Variants in OLFML1 observed in about 807,000 individuals in gnomAD.
The protein encoded by OLFML1 is olfactomedin-like protein 1.
Under a neutral mutation model 37.3 loss-of-function variants are expected in OLFML1, and 33 were observed. The observed-to-expected ratio is 0.88, with a 90% CI of 0.67 to 1.18. OLFML1 has a LOEUF of 1.18. Ranked by LOEUF, OLFML1 falls within the 50% of genes most tolerant of loss-of-function variation. The probability of loss-of-function intolerance (pLI) is 0.00; values close to 1 mark genes in which losing one functional copy is unlikely to be tolerated. For synonymous variants in OLFML1, 186 were observed against 181.3 expected, an observed-to-expected ratio of 1.03 and a Z score of -0.21; for missense variants, 545 against 483.7, an observed-to-expected ratio of 1.13 and a Z score of -1.19.
chr11:7,508,706 C>T (rs950582576), intron 2 of OLFML1, among the ~76,000 whole-genome samples: 3 of 152,212 alleles, frequency 2.0e-5, no homozygotes, highest in Non-Finnish European at 4.4e-5. Context: ...ATAAATAGAG[C>T]TCTTATAACG....
At chr11:7,499,043 T>C (rs188733846) in intron 2 of OLFML1, among the ~76,000 whole-genome samples, 3 of 152,326 alleles carry the variant, frequency 2.0e-5, no homozygotes, top group African/African-American at 7.2e-5. Context: ...GTGACTCCCA[T>C]ACAAAGGAAT....
Position 7,485,710 on chromosome 11 carries a change from G to A in OLFML1, c.-166G>A, listed in dbSNP as rs1046282131. 1.4e-5 allele frequency: 10 copies of A among 705,252 alleles called. No individual in the cohort carries two copies. Among genetic ancestry groups the A allele is most frequent in the African/African-American group, 5.3e-5 (3 of 56,324 alleles). 43.7% of individuals were successfully genotyped at this position (705,252 alleles called of 1,614,324 possible). The stretch of plus-strand genomic sequence containing the variant: ...TCACTAGCTGGCAAACTGAGCTCAC[G>A]TATCGGGTGGAATAACAAGCGGACT... On this transcript the variant is annotated 5_prime_UTR_variant, in exon 1 of 3. Transcript: ENST00000329293.
intron 2 of OLFML1, among the ~76,000 whole-genome samples, chr11:7,501,579 T>G (rs1848725995): frequency 6.6e-6 from 1 of 152,210 alleles, no homozygotes; most frequent in African/African-American, 2.4e-5. Context: ...AGTGATGTCA[T>G]GACCACTGAA....
At chr11:7,506,829 G>T (rs1470395575) in intron 2 of OLFML1, among the ~76,000 whole-genome samples, 1 of 152,140 alleles carries the variant, frequency 6.6e-6, no homozygotes, top group African/African-American at 2.4e-5. Context: ...GATGAAGAGA[G>T]GGCTGATGAC....
Position 7,488,237 on chromosome 11 carries a change from G to A in OLFML1, c.240G>A (p.Glu80=). The change falls in exon 2 of 3, where the codon GAG becomes GAA. Residue 80 remains glutamate (E), a synonymous_variant. Coordinates refer to ENST00000329293, the MANE Select transcript of OLFML1 (RefSeq NM_198474.4). ...GAAGATGTCAGACCTACACAAGTGA[G>A]TACAAGAGTGCAGTGGGTAACTTGG... ...MLGRCQTYTS[E]YKSAVGNLAL... 1 of 1,614,046 alleles carries A rather than the reference G, an allele frequency of 6.2e-7. No homozygotes were observed. The highest frequency in any genetic ancestry group is 8.5e-7 in the Non-Finnish European group (1 of 1,179,978).
At chr11:7,507,117 C>T (rs1848794914) in intron 2 of OLFML1, among the ~76,000 whole-genome samples, 1 of 152,114 alleles carries the variant, frequency 6.6e-6, no homozygotes, top group Non-Finnish European at 1.5e-5. Context: ...CAGCACGAGA[C>T]ACAAAGCATG....
intron 2 of OLFML1, among the ~76,000 whole-genome samples, chr11:7,500,006 C>G (rs1848702354): frequency 1.3e-5 from 2 of 152,174 alleles, no homozygotes; most frequent in Admixed American, 1.3e-4. Flanking sequence ...TCCTCCCAAC[C>G]TCAGCCTCCC....
Position 7,510,478 on chromosome 11 carries a change from T to C in OLFML1, c.*290T>C. ...TACAGCCTACTTCAAGCCTTTTGTT[T>C]TACTGCTCCCCAGCATTTACTGTAA... On this transcript the variant is annotated 3_prime_UTR_variant, in exon 3 of 3. Transcript: ENST00000329293. The C allele has an allele frequency of 3.3e-6, 1 of 303,342 alleles. No individual in the cohort carries two copies. Among genetic ancestry groups the C allele is most frequent in the South Asian group, 6.8e-5 (1 of 14,696 alleles). 18.8% of individuals were successfully genotyped at this position (303,342 alleles called of 1,614,324 possible).
At position 7,510,185 on chromosome 11, in the gene OLFML1, G is replaced by A. The variant is rs764267991; in HGVS notation, c.1206G>A (p.Lys402=). Residue 402 remains lysine, a synonymous_variant, in exon 3 of 3, where the codon AAG becomes AAA. Transcript: ENST00000329293. ...KLQTKRKLPL[K] is the part of the protein sequence containing the mutation. Reference sequence around the variant, plus strand: ...AGACAAAGAGAAAGCTGCCTCTGAAGTAATGCATTACAGCTGTGAGAAAGA... The same window carrying A: ...AGACAAAGAGAAAGCTGCCTCTGAAATAATGCATTACAGCTGTGAGAAAGA... 7.5e-6 allele frequency: 12 copies of A among 1,602,696 alleles called. No homozygotes were observed. The East Asian group carries it at 2.2e-4, about 30-fold the overall frequency.
intron 2 of OLFML1, among the ~76,000 whole-genome samples, chr11:7,495,664 A>G (rs1458928017): frequency 6.6e-6 from 1 of 152,202 alleles, no homozygotes; most frequent in Non-Finnish European, 1.5e-5. Context: ...GGAACAGAGT[A>G]GAGAATCAAT....
Position 7,488,210 on chromosome 11 carries a change from G to A in OLFML1, c.213G>A (p.Leu71=). 1.2e-6 allele frequency: 2 copies of A among 1,613,428 alleles called. No individual in the cohort carries two copies. The highest frequency in any genetic ancestry group is 1.7e-6 in the Non-Finnish European group (2 of 1,179,458). ...TCTCAAAAAATATATCTGTCATGCT[G>A]GGAAGATGTCAGACCTACACAAGTG... The part of the protein sequence containing the change: ...QEFSKNISVM[L]GRCQTYTSEY... Residue 71 remains leucine (L), a synonymous_variant, in exon 2 of 3, where the codon CTG becomes CTA. Coordinates refer to ENST00000329293, the MANE Select transcript of OLFML1 (RefSeq NM_198474.4).
chr11:7,488,529 T>C, intron 2 of OLFML1, 114 bp downstream of exon 2: 1 of 788,826 alleles, frequency 1.3e-6, no homozygotes, highest in East Asian at 2.7e-5. Context: ...ATTGGAGGTG[T>C]GCTTTTGTGT....
intron 2 of OLFML1, among the ~76,000 whole-genome samples, chr11:7,502,063 T>C (rs1471941318): frequency 2.6e-5 from 4 of 152,242 alleles, no homozygotes; most frequent in African/African-American, 4.8e-5. Flanking sequence ...CATATTTACA[T>C]AGTGTGGTCA....
Position 7,509,744 on chromosome 11 carries a change from G to A in OLFML1, c.765G>A (p.Gly255=). 1 of 1,614,240 alleles carries A rather than the reference G, an allele frequency of 6.2e-7. No individual in the cohort carries two copies. Among genetic ancestry groups the A allele is most frequent in the Non-Finnish European group, 8.5e-7 (1 of 1,180,042 alleles). ...AAGATCGAATGCTGCTCCCAGGAGG[G>A]GTAGGCCGAGCATTGGTTTACCAGC... ...TVEDRMLLPG[G]VGRALVYQHS... Residue 255 remains glycine, a synonymous_variant, in exon 3 of 3, where the codon GGG becomes GGA. Transcript: ENST00000329293.
At chr11:7,499,012 C>G (rs538947001) in intron 2 of OLFML1, among the ~76,000 whole-genome samples, 2 of 152,178 alleles carry the variant, frequency 1.3e-5, no homozygotes, top group Non-Finnish European at 2.9e-5. Context: ...ACCAATGTTT[C>G]GGATCCTTAA....
At chr11:7,508,131 A>C (rs1162789441) in intron 2 of OLFML1, among the ~76,000 whole-genome samples, 1 of 152,236 alleles carries the variant, frequency 6.6e-6, no homozygotes, top group Non-Finnish European at 1.5e-5. Flanking sequence ...ATTAAGTGGA[A>C]GTGGATCATC....
At chr11:7,501,170 G>C (rs1406725074) in intron 2 of OLFML1, among the ~76,000 whole-genome samples, 1 of 152,184 alleles carries the variant, frequency 6.6e-6, no homozygotes, top group East Asian at 1.9e-4. Flanking sequence ...CAAGAGACAG[G>C]TTAGGCTTGG....
intron 2 of OLFML1, among the ~76,000 whole-genome samples, chr11:7,500,233 G>A (rs1292989505): frequency 6.6e-6 from 1 of 152,202 alleles, no homozygotes; most frequent in African/African-American, 2.4e-5. Flanking sequence ...TTACGGATGA[G>A]ACATTAATAT....
rs1262151848 is a variant in OLFML1, at chr11:7,509,796, G to C, written c.817G>C (p.Ala273Pro). ...QHSPSTYIDL[A>P]VDEHGLWAIH... ...CTCCCCCTCAACTTACATTGACCTG[G>C]CTGTGGATGAGCATGGGCTCTGGGC... Residue 273 changes from alanine to proline, a missense_variant, in exon 3 of 3, where the codon GCT (alanine) becomes CCT (proline). Transcript: ENST00000329293. The C allele has an allele frequency of 6.2e-6, 10 of 1,614,102 alleles. No individual in the cohort carries two copies. The highest frequency in any genetic ancestry group is 8.5e-6 in the Non-Finnish European group (10 of 1,180,038).
Sources: allele counts gnomAD v4.1 joint callset (sites outside exome capture counted in the v4.1 genomes callset), GRCh38; gene constraint gnomAD v4.1.1; transcripts MANE v1.5; gene names NCBI Gene and HGNC (gene_info 2026-07-23, HGNC 2026-07-21).